The following ZHX1 variants were observed in gnomAD, a reference collection of about 807,000 sequenced individuals.
ZHX1 encodes zinc fingers and homeoboxes protein 1.
A neutral mutation model predicts 61.8 loss-of-function variants in ZHX1; 20 were observed. The observed-to-expected ratio is 0.32, with a 90% confidence interval of 0.23 to 0.47. ZHX1 has a LOEUF of 0.47. Ranked by LOEUF, ZHX1 falls within the 20% of genes least tolerant of loss-of-function variation. The pLI, the probability that ZHX1 is intolerant of heterozygous loss-of-function variation, is 1.00. For synonymous variants in ZHX1, 318 were observed against 352.6 expected (o/e 0.90, Z 1.10); for missense variants, 800 against 1,034.8 (o/e 0.77, Z 3.11).
At chr8:123,264,757 C>T (rs1826396486) in intron 2 of ZHX1, among the ~76,000 whole-genome samples, 1 of 148,364 alleles carries the variant, frequency 6.7e-6, no homozygotes, top group Non-Finnish European at 1.5e-5. Context: ...GACGGGGTTT[C>T]ACCATCTTGT....
chr8:123,274,440 G>C (rs1826776674), upstream of ZHX1: 1 of 152,110 alleles, frequency 6.6e-6, no homozygotes, highest in African/African-American at 2.4e-5. Context: ...GGGGGCGGAG[G>C]GGGAAGGGAG....
In ZHX1 at chr8:123,254,902, C is replaced by G. The variant is rs763656006; in HGVS notation, c.1045G>C (p.Glu349Gln). ...TTGAATTGTTTCCTTCTTGCCTCCTCTACTTCCTCGGGAGTCCAACTAACA... is the reference window on the plus strand; with the variant it reads ...TTGAATTGTTTCCTTCTTGCCTCCTGTACTTCCTCGGGAGTCCAACTAACA... Reference protein sequence around the residue: ...HGVSWTPEEVEEARRKQFNGT... With the variant: ...HGVSWTPEEVQEARRKQFNGT... Residue 349 changes from glutamate to glutamine, a missense_variant, in exon 3 of 4, where the codon GAG (glutamate) becomes CAG (glutamine). Physicochemically the swap from Glu to Gln is conservative, Grantham distance 29. Transcript: ENST00000395571. This position sits in a 1 kb window ranked among gnomAD's most constrained non-coding sequence, Gnocchi z 4.1. The G allele has an allele frequency of 1.9e-6, 3 of 1,614,220 alleles. No homozygotes were observed. The South Asian group carries it at 3.3e-5, about 18-fold the overall frequency.
chr8:123,262,128 A>C (rs1490744592), intron 2 of ZHX1, among the ~76,000 whole-genome samples: 1 of 152,218 alleles, frequency 6.6e-6, no homozygotes, highest in Admixed American at 6.5e-5. Flanking sequence ...CAATTAAAAC[A>C]CAATTAAAAT....
At chr8:123,269,502 T>C (rs1331600352) in intron 1 of ZHX1, among the ~76,000 whole-genome samples, 1 of 152,224 alleles carries the variant, frequency 6.6e-6, no homozygotes, top group East Asian at 1.9e-4. Context: ...CTCAGCTATG[T>C]ACATTATATA....
intron 2 of ZHX1, among the ~76,000 whole-genome samples, chr8:123,256,416 C>T (rs1386045766): frequency 6.6e-6 from 1 of 152,022 alleles, no homozygotes; most frequent in African/African-American, 2.4e-5. Flanking sequence ...TTTTAGCCAG[C>T]TATATATTAG....
Position 123,253,402 on chromosome 8 carries a change from C to T in ZHX1, c.2545G>A (p.Glu849Lys). 6.2e-7 allele frequency: 1 copy of T among 1,613,986 alleles called. No homozygotes were observed. The highest frequency in any genetic ancestry group is 1.7e-5 in the Admixed American group (1 of 60,024). ...GTGTCACTATCATCTGTTTCTTCTTCATCCTCTTCCTGGTCATCAATAACT... is the reference window on the plus strand; with the variant it reads ...GTGTCACTATCATCTGTTTCTTCTTTATCCTCTTCCTGGTCATCAATAACT... ...DEVIDDQEEDEEETDDSDTWE... is the reference protein window; with the variant it reads ...DEVIDDQEEDKEETDDSDTWE... Residue 849 changes from glutamate (E) to lysine (K), a missense_variant, in exon 3 of 4, where the codon GAA becomes AAA. Transcript: ENST00000395571.
chr8:123,258,008 T>A (rs1206149599), intron 2 of ZHX1, among the ~76,000 whole-genome samples: 1 of 152,208 alleles, frequency 6.6e-6, no homozygotes, highest in Non-Finnish European at 1.5e-5. Flanking sequence ...ACTCTAGATA[T>A]TGTGTCTCAT....
At chr8:123,265,070 T>A (rs1826411108) in intron 2 of ZHX1, among the ~76,000 whole-genome samples, 1 of 151,192 alleles carries the variant, frequency 6.6e-6, no homozygotes, top group South Asian at 2.1e-4. Context: ...GCACTTATAA[T>A]TCCAGCTACT....
Position 123,255,005 on chromosome 8 carries a change from A to G in ZHX1, c.942T>C (p.Ile314=). Residue 314 remains isoleucine, a synonymous_variant, in exon 3 of 4, where the codon ATT becomes ATC. Coordinates refer to ENST00000395571, the MANE Select transcript of ZHX1 (RefSeq NM_007222.5). The stretch of plus-strand genomic sequence containing the variant: ...ATTTTGCTTGAGCAGAAAGAACTGT[A>G]ATTTCTGACATTGTTGGGTAAGGGA... ...NKFPYPTMSE[I]TVLSAQAKYT... The G allele has an allele frequency of 6.2e-7, 1 of 1,614,154 alleles. No homozygotes were observed. The highest frequency in any genetic ancestry group is 8.5e-7 in the Non-Finnish European group (1 of 1,180,022).
At chr8:123,261,253 G>T (rs1416516335) in intron 2 of ZHX1, among the ~76,000 whole-genome samples, 1 of 152,140 alleles carries the variant, frequency 6.6e-6, no homozygotes, top group Non-Finnish European at 1.5e-5. Context: ...TCATAAGTTT[G>T]GAGGAAACAA....
At chr8:123,268,230 A>C (rs1826529000) in intron 1 of ZHX1, among the ~76,000 whole-genome samples, 1 of 152,226 alleles carries the variant, frequency 6.6e-6, no homozygotes, top group East Asian at 1.9e-4. Context: ...GGGGTTATCT[A>C]ACAAAATGAC....
intron 1 of ZHX1, among the ~76,000 whole-genome samples, chr8:123,271,168 A>G (rs1291640905): frequency 1.3e-5 from 2 of 152,238 alleles, no homozygotes; most frequent in African/African-American, 4.8e-5. Flanking sequence ...ATTTATCAAT[A>G]ATAGTATAGA....
chr8:123,261,239 A>G (rs2131205761), intron 2 of ZHX1, among the ~76,000 whole-genome samples: 1 of 152,318 alleles, frequency 6.6e-6, no homozygotes, highest in South Asian at 2.1e-4. Context: ...TTATTATTAT[A>G]AAGTCATAAG....
In ZHX1 at chr8:123,253,805, A is replaced by G; in HGVS notation, c.2142T>C (p.Ala714=). ...IVSWFGDTRY[A]WKNGNLKWYY... ...ACCATTTCAAGTTTCCATTCTTCCA[A>G]GCATAACGGGTGTCCCCAAACCAAC... The change falls in exon 3 of 4, where the codon GCT becomes GCC. Residue 714 remains alanine, a synonymous_variant. Transcript: ENST00000395571. The G allele has an allele frequency of 1.2e-6, 2 of 1,614,186 alleles. No individual in the cohort carries two copies. The highest frequency in any genetic ancestry group is 1.7e-6 in the Non-Finnish European group (2 of 1,180,022).
intron 1 of ZHX1, among the ~76,000 whole-genome samples, chr8:123,267,925 G>A (rs550938843): frequency 2.6e-5 from 4 of 152,234 alleles, no homozygotes; most frequent in East Asian, 1.9e-4. Flanking sequence ...CGCTTGAACC[G>A]GGGAGGCAGA....
rs1362108221 is a variant in ZHX1 at position 123,249,028 on chromosome 8, T to C, written c.*1296A>G. 6.6e-6 allele frequency: 1 copy of C among 152,588 alleles called. No homozygotes were observed. Among genetic ancestry groups the C allele is most frequent in the Non-Finnish European group, 1.5e-5 (1 of 68,002 alleles). The allele number at this position is 152,588 out of a possible 1,614,324, so 9.5% of individuals were successfully genotyped here. The stretch of plus-strand genomic sequence containing the variant: ...CATATTCAAGGCTTTTTCATAACAT[T>C]TTCAATGGCTGAAAAACATTTAACC... On this transcript the variant is annotated 3_prime_UTR_variant, in exon 4 of 4. Transcript: ENST00000395571.
rs1825844028 is a variant in ZHX1, at chr8:123,248,900, G to C, written c.*1424C>G. The C allele has an allele frequency of 6.6e-6, 1 of 152,082 alleles. No individual in the cohort carries two copies. Among genetic ancestry groups the C allele is most frequent in the African/African-American group, 2.4e-5 (1 of 41,318 alleles). The allele number at this position is 152,082 out of a possible 1,614,324, so 9.4% of individuals were successfully genotyped here. ...TAGTATGAAAAAAGCCACCCACAAA[G>C]CCAGCTGTCTGAGTGAGGAAATCAG... On this transcript the variant is annotated 3_prime_UTR_variant, in exon 4 of 4. Transcript: ENST00000395571.
intron 2 of ZHX1, among the ~76,000 whole-genome samples, chr8:123,264,712 C>T (rs1160197242): frequency 1.3e-5 from 2 of 151,750 alleles, no homozygotes; most frequent in East Asian, 3.9e-4. Context: ...CGCCCGCCAC[C>T]ACGCCTGGCT....
intron 2 of ZHX1, among the ~76,000 whole-genome samples, chr8:123,258,025 T>C (rs1439155138): frequency 6.6e-6 from 1 of 152,242 alleles, no homozygotes; most frequent in East Asian, 1.9e-4. Flanking sequence ...TCATTTTTAA[T>C]AACAGCTTGC....
Sources: gnomAD v4.1 joint callset for allele counts (sites outside exome capture counted in the v4.1 genomes callset) on GRCh38, gnomAD v4.1.1 for gene constraint, Gnocchi (gnomAD v3.1) non-coding constraint, MANE v1.5 for transcripts, NCBI Gene and HGNC (gene_info 2026-07-23, HGNC 2026-07-21) for gene names.